ZNF609: variants seen among roughly 807,000 people sequenced by gnomAD.
The protein encoded by ZNF609 is zinc finger protein 609.
A neutral mutation model predicts 109.5 loss-of-function variants in ZNF609; 11 were observed. The observed-to-expected ratio is 0.10, with a 90% CI of 0.06 to 0.17. The LOEUF is 0.17. Among genes scored for constraint, ZNF609 ranks in the 10% least tolerant of loss-of-function variants. ZNF609 has a pLI of 1.00. For missense variants in ZNF609, 1,559 were observed against 1,772.4 expected, an observed-to-expected ratio of 0.88 and a Z score of 2.16; for synonymous variants, 646 against 662.0, an observed-to-expected ratio of 0.98 and a Z score of 0.37.
intron 3 of ZNF609, among the ~76,000 whole-genome samples, chr15:64,660,645 C>G (rs1270396962): frequency 1.3e-5 from 2 of 152,178 alleles, no homozygotes; most frequent in African/African-American, 4.8e-5. Flanking sequence ...TGCTGTCTCT[C>G]TGACCTCATG....
chr15:64,678,307 G>A lies in ZNF609; in HGVS notation c.3594G>A (p.Glu1198=). ...SSDCKLPTSE[E]SRLGSKEPRP... ...ACTGCAAGCTGCCCACGTCAGAGGA[G>A]TCTCGCCTTGGGAGCAAGGAGCCCC... Residue 1198 remains glutamate (E), a synonymous_variant, in exon 6 of 10, where the codon GAG becomes GAA. Transcript: ENST00000326648. 1 of 1,614,198 alleles carries A rather than the reference G, an allele frequency of 6.2e-7. No individual in the cohort carries two copies. The highest frequency in any genetic ancestry group is 8.5e-7 in the Non-Finnish European group (1 of 1,180,026).
chr15:64,657,531 T>C (rs532635201), intron 3 of ZNF609, among the ~76,000 whole-genome samples: 1 of 152,152 alleles, frequency 6.6e-6, no homozygotes, highest in African/African-American at 2.4e-5. Context: ...GGAGAATCAC[T>C]TGAACCCCGT....
At position 64,652,496 on chromosome 15, in the gene ZNF609, C is replaced by T. The variant is rs192449736; in HGVS notation, c.974-17850C>T. Among the ~76,000 whole-genome samples, 11 of 151,704 alleles carry T rather than the reference C, an allele frequency of 7.3e-5. No individual in the cohort carries two copies. In the East Asian group the frequency reaches 2.1e-3, roughly 29 times the overall value. On this transcript the variant is annotated intron_variant, in intron 3 of 9. Coordinates refer to ENST00000326648, the MANE Select transcript of ZNF609 (RefSeq NM_015042.2). ...CGACCTCCCAGGCTCAGCCATTCTC[C>T]CCACCTCAGCCTTCCAAGTAGCTGG...
chr15:64,466,116 C>CA (rs749648623), intron 1 of ZNF609, among the ~76,000 whole-genome samples: 7,951 of 81,866 alleles, frequency 0.097, 1,097 homozygotes, highest in African/African-American at 0.32. Context: ...AACCCTGTCT[C>CA]AAAAAAAAAA....
intron 2 of ZNF609, among the ~76,000 whole-genome samples, chr15:64,602,716 C>CTTTTTTTTTT (rs10600561): frequency 5.6e-4 from 31 of 55,560 alleles, no homozygotes; most frequent in African/African-American, 9.9e-4. Context: ...TTTTTTCTTT[C>CTTTTTTTTTT]TTTTTTTTTT....
intron 2 of ZNF609, among the ~76,000 whole-genome samples, chr15:64,605,902 CTTTTTTTTTTTT>C (rs10542161): frequency 1.4e-5 from 1 of 70,688 alleles, no homozygotes; most frequent in East Asian, 4.7e-4. Flanking sequence ...CCCGGCTAAT[CTTTTTTTTTTTT>C]TTTTTTTTTT....
Position 64,574,171 on chromosome 15 carries a change from ATTTTTTTTTTTT to A in ZNF609, c.748-48642_748-48631del, listed in dbSNP as rs71133443. On this transcript the variant is annotated intron_variant, in intron 2 of 9. Transcript: ENST00000326648. The stretch of plus-strand genomic sequence containing the variant: ...AGCTTTTATTTCTCTTTCATGCTGG[ATTTTTTTTTTTT>A]TTTTTTTTTTTTTGGCACCCACACC... Among the ~76,000 whole-genome samples, 3 of 91,092 alleles carry A rather than the reference ATTTTTTTTTTTT, an allele frequency of 3.3e-5. No individual in the cohort carries two copies. The Admixed American group carries it at 3.4e-4, about 10-fold the overall frequency. The allele number at this position is 91,092 out of a possible 152,430, so 59.8% of individuals were successfully genotyped here. A position where few individuals can be genotyped will look rare whatever the true frequency, so the allele number is the denominator to read the frequency against.
intron 2 of ZNF609, among the ~76,000 whole-genome samples, chr15:64,571,563 G>A (rs940802872): frequency 5.3e-5 from 8 of 152,092 alleles, no homozygotes; most frequent in African/African-American, 1.9e-4. Context: ...AACCGTATAA[G>A]TTAAGTACTA....
At chr15:64,531,723 T>A (rs1844235504) in intron 2 of ZNF609, among the ~76,000 whole-genome samples, 1 of 152,050 alleles carries the variant, frequency 6.6e-6, no homozygotes, top group Non-Finnish European at 1.5e-5. Flanking sequence ...CACATGACCT[T>A]GGAAAACGCA....
At chr15:64,643,152 A>G (rs1896287479) in intron 3 of ZNF609, among the ~76,000 whole-genome samples, 1 of 152,346 alleles carries the variant, frequency 6.6e-6, no homozygotes, top group South Asian at 2.1e-4. Flanking sequence ...AGGCTTCTGC[A>G]GAGGTAGTAG....
chr15:64,578,671 G>A (rs1300732305), intron 2 of ZNF609, among the ~76,000 whole-genome samples: 2 of 152,126 alleles, frequency 1.3e-5, no homozygotes, highest in African/African-American at 2.4e-5. Flanking sequence ...TAGCCTGGGC[G>A]ACGGAACAAG....
At chr15:64,604,514 T>C (rs919762196) in intron 2 of ZNF609, among the ~76,000 whole-genome samples, 3 of 152,232 alleles carry the variant, frequency 2.0e-5, no homozygotes, top group Non-Finnish European at 4.4e-5. Context: ...TCAGCTAGGA[T>C]AGAGGTGGTA....
intron 3 of ZNF609, among the ~76,000 whole-genome samples, chr15:64,627,407 C>CT (rs1018188741): frequency 1.3e-5 from 2 of 152,058 alleles, no homozygotes; most frequent in African/African-American, 4.8e-5. Flanking sequence ...ATAGGTTCTC[C>CT]TTTTTGGACA....
intron 3 of ZNF609, among the ~76,000 whole-genome samples, chr15:64,643,582 G>C (rs1896292221): frequency 6.6e-6 from 1 of 152,182 alleles, no homozygotes; most frequent in African/African-American, 2.4e-5. Context: ...AGAGAGTAAA[G>C]AGGACTTTAC....
At chr15:64,540,882 G>A (rs1001958295) in intron 2 of ZNF609, among the ~76,000 whole-genome samples, 2 of 149,386 alleles carry the variant, frequency 1.3e-5, no homozygotes, top group African/African-American at 4.9e-5. Context: ...ACAAAAATTA[G>A]CTGGGCATGG....
At chr15:64,478,252 T>C (rs531934025) in intron 1 of ZNF609, among the ~76,000 whole-genome samples, 1 of 151,492 alleles carries the variant, frequency 6.6e-6, no homozygotes, top group East Asian at 2.0e-4. Context: ...ACAGTGGCTA[T>C]TCACAGGTGT....
chr15:64,674,739 A>C lies in ZNF609; in HGVS notation c.1885A>C (p.Arg629=), dbSNP rs1412074610. 6.2e-7 allele frequency: 1 copy of C among 1,614,158 alleles called. No individual in the cohort carries two copies. The highest frequency in any genetic ancestry group is 8.5e-7 in the Non-Finnish European group (1 of 1,180,038). ...CAATGATGCCTTTGATTCTTTAGAA[A>C]GGAAGTGTATGGAAAAAGAAAAATG... ...TSNDAFDSLE[R]KCMEKEKCKK... is the part of the protein sequence containing the mutation. The change falls in exon 5 of 10, where the codon AGG becomes CGG. Residue 629 remains arginine, a synonymous_variant. Coordinates refer to ENST00000326648, the MANE Select transcript of ZNF609 (RefSeq NM_015042.2).
At chr15:64,473,191 C>CTTTTTTTTTTTTTTTTT (rs951319279) in intron 1 of ZNF609, among the ~76,000 whole-genome samples, 16 of 76,072 alleles carry the variant, frequency 2.1e-4, no homozygotes, top group African/African-American at 8.5e-4. Context: ...ATATTTGGTT[C>CTTTTTTTTTTTTTTTTT]TTTTTTTTTT....
chr15:64,625,406 G>C (rs1895936718), intron 3 of ZNF609, among the ~76,000 whole-genome samples: 1 of 152,096 alleles, frequency 6.6e-6, no homozygotes, highest in Non-Finnish European at 1.5e-5. Context: ...TGTAATCCCA[G>C]CTACTTGGGA....
Sources: gnomAD v4.1 joint callset for allele counts (sites outside exome capture counted in the v4.1 genomes callset) on GRCh38, gnomAD v4.1.1 for gene constraint, MANE v1.5 for transcripts, NCBI Gene and HGNC (gene_info 2026-07-23, HGNC 2026-07-21) for gene names.